CNTNAP3: variants seen among roughly 807,000 people sequenced by gnomAD.
The protein encoded by CNTNAP3 is contactin-associated protein-like 3.
In CNTNAP3, 36 loss-of-function variants were observed where a neutral mutation model predicts 92.1. The observed-to-expected ratio is 0.39, with a 90% CI of 0.30 to 0.52. The LOEUF is 0.52. CNTNAP3 is among the 20% of genes least tolerant of loss of function. The pLI, the probability that CNTNAP3 is intolerant of heterozygous loss-of-function variation, is 0.76. For missense variants in CNTNAP3, 534 were observed against 1,069.6 expected, an observed-to-expected ratio of 0.50 and a Z score of 6.98; for synonymous variants, 232 against 422.3, an observed-to-expected ratio of 0.55 and a Z score of 5.53.
In CNTNAP3 at chr9:39,065,990, T is replaced by C. The variant is rs1825501528; in HGVS notation, c.*7900A>G. On this transcript the variant is annotated 3_prime_UTR_variant, in exon 24 of 24. Transcript: ENST00000297668. ...TCAAATTTATCAGATTTTTATTTTA[T>C]ATCTTGCTATTTGCTTTCTATTTGT... Among the ~76,000 whole-genome samples the C allele has an allele frequency of 6.6e-6, 1 of 152,252 alleles. No individual in the cohort carries two copies. The highest frequency in any genetic ancestry group is 1.5e-5 in the Non-Finnish European group (1 of 68,042).
chr9:39,276,023 C>A (rs1822960793), intron 1 of CNTNAP3, among the ~76,000 whole-genome samples: 2 of 3,542 alleles, frequency 5.6e-4, no homozygotes, highest in African/African-American at 6.1e-4. Context: ...CTCAGCAGAC[C>A]CTGCTCACGT....
intron 23 of CNTNAP3, among the ~76,000 whole-genome samples, chr9:39,077,008 T>C (rs1483523303): frequency 2.0e-5 from 3 of 152,308 alleles, no homozygotes; most frequent in African/African-American, 7.2e-5. Context: ...GAAAGGTGAA[T>C]GCTTATTTTT....
chr9:39,214,144 T>A (rs1488750842), intron 3 of CNTNAP3, among the ~76,000 whole-genome samples: 1 of 65,122 alleles, frequency 1.5e-5, no homozygotes, highest in African/African-American at 3.1e-5. Flanking sequence ...ATAAAAAAAA[T>A]TCTCATTTTC....
chr9:39,099,540 T>C (rs1306588222), intron 18 of CNTNAP3, among the ~76,000 whole-genome samples: 2 of 152,030 alleles, frequency 1.3e-5, no homozygotes, highest in Non-Finnish European at 2.9e-5. Context: ...ACAGAGAGGC[T>C]TGAATAGCAA....
At chr9:39,143,421 C>G (rs1394739629) in intron 11 of CNTNAP3, among the ~76,000 whole-genome samples, 1 of 152,046 alleles carries the variant, frequency 6.6e-6, no homozygotes, top group Non-Finnish European at 1.5e-5. Flanking sequence ...GCATGGACCA[C>G]CAATCAGGCA....
chr9:39,090,387 G>A (rs11793461), intron 18 of CNTNAP3, among the ~76,000 whole-genome samples: 36,184 of 151,820 alleles, frequency 0.24, 4,591 homozygotes, highest in East Asian at 0.38. Flanking sequence ...TTCTTACATC[G>A]AGGTCTATTT....
rs1456592396 is a variant in CNTNAP3, at chr9:39,067,765, G to T, written c.*6125C>A. Among the ~76,000 whole-genome samples, 1 of 151,242 alleles carries T rather than the reference G, an allele frequency of 6.6e-6. No homozygotes were observed. The highest frequency in any genetic ancestry group is 6.6e-5 in the Admixed American group (1 of 15,184). On this transcript the variant is annotated 3_prime_UTR_variant, in exon 24 of 24. Transcript: ENST00000297668. ...GCTCAGAGATGCCAATTAGTTATTG[G>T]AAACGGTTTGATCTTTTTTTCCAAA...
chr9:39,086,506 G>C, intron 20 of CNTNAP3: 2 of 675,724 alleles, frequency 3.0e-6, no homozygotes, highest in Non-Finnish European at 4.7e-6. Flanking sequence ...TGACAGAATT[G>C]CATTGCTAAA....
intron 23 of CNTNAP3, among the ~76,000 whole-genome samples, chr9:39,075,072 A>G (rs1391747517): frequency 2.0e-5 from 3 of 152,256 alleles, no homozygotes; most frequent in Non-Finnish European, 4.4e-5. Context: ...CCGGCCGATA[A>G]TATACTTCTC....
intron 21 of CNTNAP3, among the ~76,000 whole-genome samples, chr9:39,079,509 C>T (rs1825879855): frequency 6.6e-6 from 1 of 151,888 alleles, no homozygotes; most frequent in Admixed American, 6.6e-5. Context: ...AATTTATCAG[C>T]TGTTGCCTGC....
intron 9 of CNTNAP3, among the ~76,000 whole-genome samples, chr9:39,161,906 T>C (rs1467984331): frequency 2.5e-5 from 2 of 80,776 alleles, no homozygotes; most frequent in Admixed American, 1.1e-4. Flanking sequence ...ACCTAGGAAA[T>C]ATAGGAAATG....
rs1409279766 is a variant in CNTNAP3, at chr9:39,071,266, T to A, written c.*2624A>T. Among the ~76,000 whole-genome samples, 1 of 150,700 alleles carries A rather than the reference T, an allele frequency of 6.6e-6. No individual in the cohort carries two copies. The highest frequency in any genetic ancestry group is 1.5e-5 in the Non-Finnish European group (1 of 67,868). ...GACACGGGGTAGAATATGTCACGTATCAGTAGTAACTACTATCAAAGTATG... is the reference window on the plus strand; with the variant it reads ...GACACGGGGTAGAATATGTCACGTAACAGTAGTAACTACTATCAAAGTATG... On this transcript the variant is annotated 3_prime_UTR_variant, in exon 24 of 24. Coordinates refer to ENST00000297668, the MANE Select transcript of CNTNAP3 (RefSeq NM_033655.5).
intron 15 of CNTNAP3, among the ~76,000 whole-genome samples, chr9:39,107,362 G>C (rs1305106357): frequency 6.8e-6 from 1 of 146,784 alleles, no homozygotes; most frequent in Non-Finnish European, 1.5e-5. Flanking sequence ...GAATGGGAGG[G>C]AGGAAGGGAG....
At chr9:39,139,611 G>A (rs1821522589) in intron 12 of CNTNAP3, 1 of 152,108 alleles carries the variant, frequency 6.6e-6, no homozygotes, top group Admixed American at 6.5e-5. Context: ...CAATAAATGA[G>A]AACAGTTTAT....
intron 14 of CNTNAP3, among the ~76,000 whole-genome samples, chr9:39,111,327 G>C (rs1342172037): frequency 6.6e-6 from 1 of 151,902 alleles, no homozygotes; most frequent in Non-Finnish European, 1.5e-5. Context: ...AAAGACTTTA[G>C]GTATCAAACT....
At position 39,078,718 on chromosome 9, in the gene CNTNAP3, T is replaced by G; in HGVS notation, c.3645A>C (p.Glu1215Asp). ...CGCCCCCCGCGAGTCGGGGAGCCAG[T>G]TCCCGCGCCGGGGAGCCGGACGCCG... ...AGAASGSPARELAPRLAGGAG... is the reference protein window; with the variant it reads ...AGAASGSPARDLAPRLAGGAG... The change falls in exon 22 of 24, where the codon GAA (glutamate) becomes GAC (aspartate). Residue 1215 changes from glutamate (E) to aspartate (D), a missense_variant. Coordinates refer to ENST00000297668, the MANE Select transcript of CNTNAP3 (RefSeq NM_033655.5). 1 of 1,523,598 alleles carries G rather than the reference T, an allele frequency of 6.6e-7. No individual in the cohort carries two copies. The highest frequency in any genetic ancestry group is 1.2e-5 in the South Asian group (1 of 80,406). 94.4% of individuals were successfully genotyped at this position (1,523,598 alleles called of 1,614,324 possible).
chr9:39,179,284 T>TACACACACACA (rs1324700834), intron 4 of CNTNAP3, among the ~76,000 whole-genome samples: 2 of 45,318 alleles, frequency 4.4e-5, no homozygotes, highest in Non-Finnish European at 8.6e-5. Context: ...TCTCTCTCTC[T>TACACACACACA]CTACACACAC....
At chr9:39,102,877 A>T (rs1220718938) in intron 16 of CNTNAP3, among the ~76,000 whole-genome samples, 162 bp from the exon 17 acceptor site, 1 of 152,098 alleles carries the variant, frequency 6.6e-6, no homozygotes, top group Non-Finnish European at 1.5e-5. Flanking sequence ...ATAAATCTGT[A>T]TCCTGGAGGA....
chr9:39,104,004 A>G, intron 15 of CNTNAP3, 90 bp from the exon 16 acceptor site: 1 of 1,503,058 alleles, frequency 6.7e-7, no homozygotes, highest in South Asian at 1.4e-5. Context: ...TATGACTGCT[A>G]AATACATTAA....
Sources: allele counts gnomAD v4.1 joint callset (sites outside exome capture counted in the v4.1 genomes callset), GRCh38; gene constraint gnomAD v4.1.1; transcripts MANE v1.5; gene names NCBI Gene and HGNC (gene_info 2026-07-23, HGNC 2026-07-21).